EEIG2: variants seen among roughly 807,000 people sequenced by gnomAD.
EEIG2 encodes EEIG family member 2.
the EEIG2 span, chr1:108,628,276 G>A: frequency 6.2e-7 from 1 of 1,613,914 alleles, no homozygotes; most frequent in South Asian, 1.1e-5. Flanking sequence ...GAGGCTAACA[G>A]TGAAGTTGAA....
the EEIG2 span, chr1:108,635,281 C>T: frequency 8.3e-7 from 1 of 1,210,422 alleles, no homozygotes; most frequent in Middle Eastern, 2.2e-4. Flanking sequence ...CTGGTTTCTT[C>T]TCTGGAAGGA....
chr1:108,560,907 C>T, the EEIG2 span, among the ~76,000 whole-genome samples: 1 of 152,124 alleles, frequency 6.6e-6, no homozygotes, highest in African/African-American at 2.4e-5. Context: ...CTAAAATAAC[C>T]CAAACTGCAG....
the EEIG2 span, chr1:108,638,210 C>T: frequency 6.6e-6 from 1 of 152,176 alleles, no homozygotes; most frequent in South Asian, 2.1e-4. Flanking sequence ...TCCCAAAGTG[C>T]TAGGACCACA....
the EEIG2 span, among the ~76,000 whole-genome samples, chr1:108,603,683 T>C: frequency 6.6e-6 from 1 of 152,166 alleles, no homozygotes; most frequent in Non-Finnish European, 1.5e-5. Flanking sequence ...CCATGGAAGA[T>C]ACAGATTTTG....
At chr1:108,615,816 T>C in the EEIG2 span, among the ~76,000 whole-genome samples, 2 of 151,534 alleles carry the variant, frequency 1.3e-5, no homozygotes, top group Admixed American at 6.6e-5. Context: ...TTTTAAATTC[T>C]GATCTAAAGC....
At chr1:108,622,777 G>A in the EEIG2 span, among the ~76,000 whole-genome samples, 1 of 152,148 alleles carries the variant, frequency 6.6e-6, no homozygotes, top group Non-Finnish European at 1.5e-5. Context: ...CCAAGAATCC[G>A]AGTAGCCTGA....
At chr1:108,575,561 C>G in the EEIG2 span, among the ~76,000 whole-genome samples, 1 of 152,188 alleles carries the variant, frequency 6.6e-6, no homozygotes, top group Non-Finnish European at 1.5e-5. Flanking sequence ...GAAACAACCC[C>G]AGTGTCCATC....
At chr1:108,595,740 T>C in the EEIG2 span, among the ~76,000 whole-genome samples, 1 of 150,598 alleles carries the variant, frequency 6.6e-6, no homozygotes, top group Non-Finnish European at 1.5e-5. Flanking sequence ...GGAGATGTAA[T>C]AGCTTTTACA....
At chr1:108,620,257 GT>G in the EEIG2 span, among the ~76,000 whole-genome samples, 1 of 152,170 alleles carries the variant, frequency 6.6e-6, no homozygotes, top group Non-Finnish European at 1.5e-5. Flanking sequence ...CAGATCCTTA[GT>G]CTCAAGTTTA....
At chr1:108,586,491 A>T in the EEIG2 span, among the ~76,000 whole-genome samples, 1 of 152,128 alleles carries the variant, frequency 6.6e-6, no homozygotes, top group Non-Finnish European at 1.5e-5. Context: ...TACTTTCAAC[A>T]TCCCTTCAGT....
the EEIG2 span, among the ~76,000 whole-genome samples, chr1:108,595,560 A>G: frequency 3.3e-4 from 30 of 89,680 alleles, no homozygotes; most frequent in South Asian, 0.012. Context: ...GGAGGGAGAG[A>G]GGGAGAGAGG....
At chr1:108,560,452 G>C in the EEIG2 span, 2 of 1,609,870 alleles carry the variant, frequency 1.2e-6, no homozygotes, top group Admixed American at 3.3e-5. Context: ...AGAAGTTTAA[G>C]TTTAAGGTGG....
the EEIG2 span, among the ~76,000 whole-genome samples, chr1:108,620,171 A>G: frequency 1.3e-5 from 2 of 152,190 alleles, no homozygotes; most frequent in Non-Finnish European, 2.9e-5. Context: ...TCATTCTACC[A>G]TTGTCTGCTT....
the EEIG2 span, among the ~76,000 whole-genome samples, chr1:108,606,847 G>A: frequency 2.0e-5 from 3 of 151,800 alleles, no homozygotes; most frequent in African/African-American, 7.3e-5. Flanking sequence ...TATTTTTGTA[G>A]AGATGGGGTC....
the EEIG2 span, among the ~76,000 whole-genome samples, chr1:108,631,987 G>A: frequency 1.3e-5 from 2 of 151,608 alleles, no homozygotes; most frequent in East Asian, 1.9e-4. Context: ...GGTGGCGGGC[G>A]CCTGTAATCC....
the EEIG2 span, chr1:108,629,798 A>G: frequency 5.7e-6 from 4 of 696,742 alleles, no homozygotes; most frequent in African/African-American, 3.6e-5. Context: ...GAAGAGTTAC[A>G]GCTCTTAGTG....
At chr1:108,583,961 A>AGAGAGATGGGGTAATAT in the EEIG2 span, among the ~76,000 whole-genome samples, 408 of 152,226 alleles carry the variant, frequency 2.7e-3, 1 homozygote, top group Middle Eastern at 0.014. Flanking sequence ...GCCATAGCGT[A>AGAGAGATGGGGTAATAT]GAGAGATGGG....
the EEIG2 span, among the ~76,000 whole-genome samples, chr1:108,571,526 A>AT: frequency 4.6e-5 from 7 of 152,276 alleles, no homozygotes; most frequent in African/African-American, 1.7e-4. Context: ...GACAGAGAAG[A>AT]TTGAGGATTT....
At chr1:108,599,026 G>A in the EEIG2 span, among the ~76,000 whole-genome samples, 1 of 152,026 alleles carries the variant, frequency 6.6e-6, no homozygotes, top group Non-Finnish European at 1.5e-5. Flanking sequence ...TTGGTTGAGT[G>A]TGGTAGTGTA....
Sources: gnomAD v4.1 joint callset for allele counts (sites outside exome capture counted in the v4.1 genomes callset) on GRCh38, gnomAD v4.1.1 for gene constraint, MANE v1.5 for transcripts, NCBI Gene and HGNC (gene_info 2026-07-23, HGNC 2026-07-21) for gene names.